The following UGT2A2 variants were observed in gnomAD, a reference collection of about 807,000 sequenced individuals.
The protein encoded by UGT2A2 is UDP-glucuronosyltransferase 2A2.
A neutral mutation model predicts 50.7 loss-of-function variants in UGT2A2; 60 were observed. The ratio of observed to expected loss-of-function variants is 1.18; its 90% CI spans 0.96 to 1.47. UGT2A2 has a LOEUF of 1.47. Ranked by LOEUF, UGT2A2 falls within the 40% of genes most tolerant of loss-of-function variation. UGT2A2 has a pLI of 0.00. For missense variants in UGT2A2, 762 were observed against 634.0 expected (o/e 1.20, Z -2.17); for synonymous variants, 242 against 214.6 (o/e 1.13, Z -1.11).
At chr4:69,631,366 A>G (rs949316459) in intron 1 of UGT2A2, among the ~76,000 whole-genome samples, 1 of 152,132 alleles carries the variant, frequency 6.6e-6, no homozygotes, top group African/African-American at 2.4e-5. Context: ...TTGTAAATAT[A>G]TTGTGAAAAT....
chr4:69,592,636 G>A (rs1718653492), intron 5 of UGT2A2, among the ~76,000 whole-genome samples: 1 of 152,066 alleles, frequency 6.6e-6, no homozygotes, highest in Non-Finnish European at 1.5e-5. Flanking sequence ...ACTAATTTGT[G>A]AACTATTGGA....
rs752278105 is a variant in UGT2A2 at position 69,639,605 on chromosome 4, C to T, written c.36G>A (p.Lys12=). 8.7e-6 allele frequency: 14 copies of T among 1,603,656 alleles called. No homozygotes were observed. In the East Asian group the frequency reaches 2.5e-4, roughly 28 times the overall value. Residue 12 remains lysine, a synonymous_variant, in exon 1 of 6, where the codon AAG becomes AAA. Coordinates refer to ENST00000604629, the MANE Select transcript of UGT2A2 (RefSeq NM_001105677.2). ...AATTAAAAACCAGCATCTGGACAAA[C>T]TTCTTAGGCATGGTAAAATCCCTTA... ...VSIRDFTMPK[K]FVQMLVFNLT... is the part of the protein sequence containing the mutation.
At chr4:69,635,316 G>T (rs770748515) in intron 1 of UGT2A2, among the ~76,000 whole-genome samples, 1 of 152,072 alleles carries the variant, frequency 6.6e-6, no homozygotes, top group African/African-American at 2.4e-5. Context: ...CTGCTCTCCC[G>T]ATCTACAGTG....
At chr4:69,602,289 G>C (rs1288349558) in intron 1 of UGT2A2, among the ~76,000 whole-genome samples, 1 of 135,782 alleles carries the variant, frequency 7.4e-6, no homozygotes, top group Non-Finnish European at 1.6e-5. Context: ...ACCAACAAAG[G>C]CACTCCAAAC....
At chr4:69,593,899 G>T (rs1718732627) in intron 5 of UGT2A2, among the ~76,000 whole-genome samples, 1 of 146,592 alleles carries the variant, frequency 6.8e-6, no homozygotes, top group African/African-American at 2.5e-5. Flanking sequence ...AGATTATCCA[G>T]AAAAAATGAG....
chr4:69,599,458 A>G, intron 1 of UGT2A2, 64 bp from the exon 2 acceptor site: 2 of 1,581,048 alleles, frequency 1.3e-6, no homozygotes, highest in Non-Finnish European at 1.7e-6. Flanking sequence ...GGAGAAAAAA[A>G]AGCTACCAGT....
chr4:69,633,381 T>C (rs1435238818), intron 1 of UGT2A2, among the ~76,000 whole-genome samples: 4 of 152,176 alleles, frequency 2.6e-5, no homozygotes, highest in African/African-American at 4.8e-5. Flanking sequence ...GGTTTACTAG[T>C]TTGCACAACC....
At chr4:69,613,379 T>A (rs1240492928) in intron 1 of UGT2A2, among the ~76,000 whole-genome samples, 1 of 151,950 alleles carries the variant, frequency 6.6e-6, no homozygotes, top group African/African-American at 2.4e-5. Flanking sequence ...ACCTGAAGAC[T>A]TTCACTGTTG....
chr4:69,630,491 G>C (rs1457047708), intron 1 of UGT2A2, among the ~76,000 whole-genome samples: 2 of 152,050 alleles, frequency 1.3e-5, no homozygotes, highest in Admixed American at 6.6e-5. Context: ...ACCTTCATTT[G>C]AATTTTGCAG....
intron 1 of UGT2A2, among the ~76,000 whole-genome samples, chr4:69,627,855 A>T (rs984694100): frequency 4.6e-5 from 7 of 151,984 alleles, no homozygotes; most frequent in Non-Finnish European, 7.4e-5. Flanking sequence ...CATAGACAAT[A>T]TTACAGGTTA....
At chr4:69,610,070 G>A (rs572294044) in intron 1 of UGT2A2, among the ~76,000 whole-genome samples, 2 of 152,158 alleles carry the variant, frequency 1.3e-5, no homozygotes, top group East Asian at 1.9e-4. Context: ...GTTTCCATTG[G>A]AAGAATCATG....
chr4:69,617,847 T>C (rs1247097403), intron 1 of UGT2A2, among the ~76,000 whole-genome samples: 1 of 151,880 alleles, frequency 6.6e-6, no homozygotes, highest in East Asian at 1.9e-4. Context: ...AGGGCAATAA[T>C]TGTCTTATGT....
chr4:69,591,767 A>G (rs933866789), intron 5 of UGT2A2, among the ~76,000 whole-genome samples: 8 of 152,112 alleles, frequency 5.3e-5, no homozygotes, highest in African/African-American at 1.9e-4. Context: ...CATTTTAAGC[A>G]TTAGAGTTAA....
intron 2 of UGT2A2, among the ~76,000 whole-genome samples, chr4:69,598,720 T>A (rs1160580474): frequency 6.6e-6 from 1 of 152,072 alleles, no homozygotes; most frequent in Non-Finnish European, 1.5e-5. Flanking sequence ...GTTTTTTTTT[T>A]AACCAATTGT....
intron 1 of UGT2A2, among the ~76,000 whole-genome samples, chr4:69,629,265 G>C (rs973939971): frequency 6.6e-6 from 1 of 151,990 alleles, no homozygotes; most frequent in Admixed American, 6.6e-5. Flanking sequence ...ACTATGAATA[G>C]CGTTCATTCA....
Position 69,595,142 on chromosome 4 carries a change from T to C in UGT2A2, c.1111+20A>G, listed in dbSNP as rs779288961. On this transcript the variant is annotated intron_variant, in intron 4 of 5. Transcript: ENST00000604629. ...TGTCTATTGTCCCACTGTACAGCTT[T>C]TCTTTCCCCACAGTCTTACCAAGAA... The C allele has an allele frequency of 2.5e-6, 4 of 1,613,538 alleles. No individual in the cohort carries two copies.
intron 1 of UGT2A2, among the ~76,000 whole-genome samples, chr4:69,635,241 C>G (rs988001539): frequency 6.6e-6 from 1 of 152,050 alleles, no homozygotes; most frequent in African/African-American, 2.4e-5. Flanking sequence ...GAGGGCCCAA[C>G]ATGGTACTGA....
rs568101924 is a variant in UGT2A2, at chr4:69,606,224, C to T, written c.743-6830G>A. ...GCGGCACATCAAAAAGCTTACCCAC[C>T]ATGATCAAGTGGGCTTCATCCCTGG... On this transcript the variant is annotated intron_variant, in intron 1 of 5. Coordinates refer to ENST00000604629, the MANE Select transcript of UGT2A2 (RefSeq NM_001105677.2). 2.9e-5 allele frequency among the ~76,000 whole-genome samples: 4 copies of T among 136,346 alleles called. No individual in the cohort carries two copies. The East Asian group carries it at 8.2e-4, about 28-fold the overall frequency. The allele number at this position is 136,346 out of a possible 152,430, so 89.4% of individuals were successfully genotyped here. A position where few individuals can be genotyped will look rare whatever the true frequency, so the allele number is the denominator to read the frequency against.
rs1403436999 is a variant in UGT2A2, at chr4:69,631,296, AAGAG to A, written c.742+7599_742+7602del. 1.2e-4 allele frequency among the ~76,000 whole-genome samples: 15 copies of A among 126,808 alleles called. 1 individual carries two copies. In the South Asian group the frequency reaches 4.6e-3, roughly 39 times the overall value. 83.2% of individuals were successfully genotyped at this position (126,808 alleles called of 152,430 possible). On this transcript the variant is annotated intron_variant, in intron 1 of 5. Coordinates refer to ENST00000604629, the MANE Select transcript of UGT2A2 (RefSeq NM_001105677.2). Reference sequence around the variant, plus strand: ...TATTTTTTCAAAATGATGTTTGTCAAAGAGAGAGTTACTTAATTTTTATGTTTTT... The same window carrying A: ...TATTTTTTCAAAATGATGTTTGTCAAAGAGTTACTTAATTTTTATGTTTTT...
Sources: allele counts gnomAD v4.1 joint callset (sites outside exome capture counted in the v4.1 genomes callset), GRCh38; gene constraint gnomAD v4.1.1; transcripts MANE v1.5; gene names NCBI Gene and HGNC (gene_info 2026-07-23, HGNC 2026-07-21).